Variants in ADGRB3 observed in about 807,000 individuals in gnomAD.
ADGRB3 encodes the protein adhesion G protein-coupled receptor B3, also known as brain-specific angiogenesis inhibitor 3.
A neutral mutation model predicts 193.4 loss-of-function variants in ADGRB3; 37 were observed. The observed-to-expected ratio is 0.19, with a 90% CI of 0.15 to 0.25. ADGRB3 has a LOEUF of 0.25. Among genes scored for constraint, ADGRB3 ranks in the 10% least tolerant of loss-of-function variants. ADGRB3 has a pLI of 1.00. For synonymous variants in ADGRB3, 690 were observed against 644.2 expected (o/e 1.07, Z -1.08); for missense variants, 1,637 against 1,852.9 (o/e 0.88, Z 2.14).
chr6:68,888,542 T>TACACACACACACACACAC (rs5877179), intron 3 of ADGRB3, among the ~76,000 whole-genome samples: 10 of 146,174 alleles, frequency 6.8e-5, no homozygotes, highest in Non-Finnish European at 1.2e-4. Flanking sequence ...GGGTAATAGA[T>TACACACACACACACACAC]ACACACACAC....
intron 17 of ADGRB3, among the ~76,000 whole-genome samples, chr6:69,185,916 G>A (rs1292130122): frequency 6.6e-6 from 1 of 151,926 alleles, no homozygotes; most frequent in East Asian, 1.9e-4. Flanking sequence ...TTTTTTAGTA[G>A]TATGTATAAG....
At chr6:68,865,132 C>A (rs961458932) in intron 3 of ADGRB3, among the ~76,000 whole-genome samples, 22 of 152,078 alleles carry the variant, frequency 1.4e-4, no homozygotes, top group Admixed American at 1.4e-3. Context: ...AAATAAATAC[C>A]AACAGAAACC....
At chr6:69,163,636 G>A (rs1561939151) in intron 17 of ADGRB3, among the ~76,000 whole-genome samples, 1 of 152,094 alleles carries the variant, frequency 6.6e-6, no homozygotes, top group Non-Finnish European at 1.5e-5. Context: ...GGATGGGCAG[G>A]TAGGTGCCAG....
intron 17 of ADGRB3, among the ~76,000 whole-genome samples, chr6:69,107,075 A>G (rs560864046): frequency 2.0e-5 from 3 of 152,310 alleles, no homozygotes; most frequent in Admixed American, 1.3e-4. Flanking sequence ...TTTAATAACT[A>G]TCTTCCAAAA....
intron 3 of ADGRB3, among the ~76,000 whole-genome samples, chr6:68,830,220 G>A (rs1767926878): frequency 6.6e-6 from 1 of 152,032 alleles, no homozygotes; most frequent in Non-Finnish European, 1.5e-5. Flanking sequence ...GATCTCTGAT[G>A]GTATCAGATC....
intron 13 of ADGRB3, among the ~76,000 whole-genome samples, chr6:69,029,193 CTA>C (rs1266632774): frequency 1.1e-4 from 16 of 152,248 alleles, no homozygotes; most frequent in African/African-American, 3.6e-4. Flanking sequence ...CTCATCTGTT[CTA>C]TATTTCTACA....
At chr6:68,838,393 C>T (rs1187070156) in intron 3 of ADGRB3, among the ~76,000 whole-genome samples, 2 of 152,154 alleles carry the variant, frequency 1.3e-5, no homozygotes, top group African/African-American at 4.8e-5. Flanking sequence ...ATTTTCTTTT[C>T]TCACTCATAA....
chr6:69,149,695 G>T (rs915001693), intron 17 of ADGRB3, among the ~76,000 whole-genome samples: 2 of 151,992 alleles, frequency 1.3e-5, no homozygotes, highest in African/African-American at 4.8e-5. Flanking sequence ...CTTTGGAGGG[G>T]TTTCCAGATA....
At chr6:69,232,377 T>G in intron 17 of ADGRB3, 1 of 1,404,500 alleles carries the variant, frequency 7.1e-7, no homozygotes, top group Non-Finnish European at 9.3e-7. Flanking sequence ...ATACCATTTT[T>G]ATTGTTCTGC....
chr6:68,962,905 T>G (rs1055383005), intron 8 of ADGRB3, among the ~76,000 whole-genome samples: 3 of 152,160 alleles, frequency 2.0e-5, no homozygotes, highest in Non-Finnish European at 4.4e-5. Context: ...AACTATAGCC[T>G]CTGTGAGCAA....
At chr6:69,272,634 T>TTA (rs556239305) in intron 20 of ADGRB3, among the ~76,000 whole-genome samples, 1 of 152,186 alleles carries the variant, frequency 6.6e-6, no homozygotes, top group South Asian at 2.1e-4. Context: ...GAACTCTACT[T>TTA]TAGAAACACA....
At chr6:69,092,793 G>C (rs549801142) in intron 17 of ADGRB3, among the ~76,000 whole-genome samples, 1 of 152,150 alleles carries the variant, frequency 6.6e-6, no homozygotes, top group Admixed American at 6.5e-5. Flanking sequence ...GACATTGGAC[G>C]ATTAAATGTT....
chr6:69,024,557 C>G (rs111588188), intron 13 of ADGRB3, among the ~76,000 whole-genome samples: 1 of 152,070 alleles, frequency 6.6e-6, no homozygotes, highest in Non-Finnish European at 1.5e-5. Context: ...CTGAAAATAT[C>G]AAATAAGAAG....
chr6:69,106,187 AAG>A (rs1347548685), intron 17 of ADGRB3, among the ~76,000 whole-genome samples: 4 of 148,806 alleles, frequency 2.7e-5, no homozygotes, highest in South Asian at 2.1e-4. Context: ...AAAAAAAGAA[AAG>A]AAAAGAAAAA....
chr6:69,199,213 A>G (rs1253452659), intron 17 of ADGRB3, among the ~76,000 whole-genome samples: 5 of 152,118 alleles, frequency 3.3e-5, no homozygotes, highest in Non-Finnish European at 7.4e-5. Flanking sequence ...CTTGGAGGCT[A>G]CATTACTATT....
At chr6:68,947,932 A>G (rs1439426781) in intron 6 of ADGRB3, among the ~76,000 whole-genome samples, 1 of 152,134 alleles carries the variant, frequency 6.6e-6, no homozygotes, top group African/African-American at 2.4e-5. Context: ...AAACTAACAT[A>G]GGGAACTGTG....
At chr6:69,374,651 T>C (rs1383838634) in intron 30 of ADGRB3, among the ~76,000 whole-genome samples, 1 of 152,080 alleles carries the variant, frequency 6.6e-6, no homozygotes, top group Non-Finnish European at 1.5e-5. Context: ...CAGCATTGCA[T>C]TTCTGGATTC....
intron 13 of ADGRB3, among the ~76,000 whole-genome samples, chr6:69,020,245 G>T (rs748337381): frequency 1.3e-5 from 2 of 152,068 alleles, no homozygotes; most frequent in Non-Finnish European, 2.9e-5. Flanking sequence ...CATTTGTGCA[G>T]AATGTGTTTG....
Position 69,338,296 on chromosome 6 carries a change from C to T in ADGRB3, c.3189-620C>T, listed in dbSNP as rs73473323. Among the ~76,000 whole-genome samples, 1,073 of 152,262 alleles carry T rather than the reference C, an allele frequency of 7.0e-3. 13 individuals are homozygous for T. The highest frequency in any genetic ancestry group is 0.022 in the African/African-American group (922 of 41,552). On this transcript the variant is annotated intron_variant, in intron 24 of 31. Coordinates refer to ENST00000370598, the MANE Select transcript of ADGRB3 (RefSeq NM_001704.3). ...GTTTTATTAAAGCAGAAAACTATCA[C>T]TCTTTTATTATCAACTAATATTTCA...
Sources: gnomAD v4.1 joint callset for allele counts (sites outside exome capture counted in the v4.1 genomes callset) on GRCh38, gnomAD v4.1.1 for gene constraint, MANE v1.5 for transcripts, NCBI Gene and HGNC (gene_info 2026-07-23, HGNC 2026-07-21) for gene names.